The following EIF2S1 variants were observed in gnomAD, a reference collection of about 807,000 sequenced individuals.
The protein encoded by EIF2S1 is eukaryotic translation initiation factor 2 subunit alpha.
In EIF2S1, 5 loss-of-function variants were observed where a neutral mutation model predicts 33.5. The observed-to-expected ratio is 0.15, with a 90% CI of 0.08 to 0.31. The LOEUF (loss-of-function observed/expected upper bound fraction) is 0.31. EIF2S1 is among the 10% of genes least tolerant of loss of function. The pLI is 1.00. For missense variants in EIF2S1, 191 were observed against 384.6 expected, an observed-to-expected ratio of 0.50 and a Z score of 4.21; for synonymous variants, 99 against 127.5, an observed-to-expected ratio of 0.78 and a Z score of 1.51.
chr14:67,380,548 C>A, intron 4 of EIF2S1, 111 bp from the exon 5 acceptor site: 1 of 472,094 alleles, frequency 2.1e-6, no homozygotes, highest in Non-Finnish European at 3.7e-6. Flanking sequence ...CTATTATATG[C>A]ATTAACTATT....
At position 67,376,536 on chromosome 14, in the gene EIF2S1, A is replaced by T; in HGVS notation, c.419A>T (p.Asp140Val). The part of the protein sequence containing the change: ...LFQRTAWVFD[D>V]KYKRPGYGAY... ...CAGAGGACTGCCTGGGTCTTTGATG[A>T]CAAGTACAAGAGACCTGGATATGGT... is the stretch of plus-strand genomic sequence containing the variant. The change falls in exon 4 of 8, where the codon GAC becomes GTC. Residue 140 changes from aspartate to valine, a missense_variant. By Grantham distance (152) the Asp-to-Val change is radical (BLOSUM62 -3). Transcript: ENST00000256383. The T allele has an allele frequency of 6.2e-7, 1 of 1,614,150 alleles. No individual in the cohort carries two copies. Among genetic ancestry groups the T allele is most frequent in the South Asian group, 1.1e-5 (1 of 91,086 alleles).
At chr14:67,366,327 C>T (rs2085778746) in intron 2 of EIF2S1, among the ~76,000 whole-genome samples, 2 of 152,108 alleles carry the variant, frequency 1.3e-5, no homozygotes, top group Admixed American at 6.5e-5. Context: ...CTGCCTTGGC[C>T]TCACAAAGTA....
intron 2 of EIF2S1, among the ~76,000 whole-genome samples, 199 bp from the exon 3 acceptor site, chr14:67,374,269 C>G (rs897592421): frequency 6.6e-5 from 10 of 152,132 alleles, no homozygotes; most frequent in Non-Finnish European, 8.8e-5. Flanking sequence ...AATCTGAAAT[C>G]CAAAACACTT....
At chr14:67,363,003 A>G (rs570250839) in intron 1 of EIF2S1, among the ~76,000 whole-genome samples, 1 of 152,310 alleles carries the variant, frequency 6.6e-6, no homozygotes, top group South Asian at 2.1e-4. Context: ...TTTTTTAACC[A>G]TCAAATTAAG....
intron 2 of EIF2S1, among the ~76,000 whole-genome samples, chr14:67,373,344 A>G (rs2085836674): frequency 6.6e-6 from 1 of 152,328 alleles, no homozygotes; most frequent in Non-Finnish European, 1.5e-5. Context: ...TTTTTAATGA[A>G]AAAGAATGCT....
chr14:67,369,853 C>T (rs1425144589), intron 2 of EIF2S1, among the ~76,000 whole-genome samples: 1 of 152,166 alleles, frequency 6.6e-6, no homozygotes, highest in Non-Finnish European at 1.5e-5. Context: ...CTGAGACCAG[C>T]TCTGTTGGGG....
chr14:67,374,289 A>G (rs561025554), intron 2 of EIF2S1, among the ~76,000 whole-genome samples, 179 bp from the exon 3 acceptor site: 49 of 152,282 alleles, frequency 3.2e-4, no homozygotes, highest in African/African-American at 9.4e-4. Context: ...TTTGGTCCCA[A>G]GCATTTCTGA....
At position 67,384,551 on chromosome 14, in the gene EIF2S1, G is replaced by GTAT. The variant is rs942271664; in HGVS notation, c.*1113_*1115dup. 15 of 152,082 alleles carry GTAT rather than the reference G, an allele frequency of 9.9e-5. No homozygotes were observed. The highest frequency in any genetic ancestry group is 3.4e-4 in the African/African-American group (14 of 41,500). The allele number at this position is 152,082 out of a possible 1,614,324, so 9.4% of individuals were successfully genotyped here. A position where few individuals can be genotyped will look rare whatever the true frequency, so the allele number is the denominator to read the frequency against. On this transcript the variant is annotated 3_prime_UTR_variant, in exon 8 of 8. Coordinates refer to ENST00000256383, the MANE Select transcript of EIF2S1 (RefSeq NM_004094.5). ...TCTTATGATACTTGAGGTACCAGTT[G>GTAT]TATTTAATTTTATTCATTATCCCTA...
chr14:67,368,629 G>A (rs1232514120), intron 2 of EIF2S1, among the ~76,000 whole-genome samples: 1 of 152,114 alleles, frequency 6.6e-6, no homozygotes, highest in Non-Finnish European at 1.5e-5. Flanking sequence ...AGGCCAGGAG[G>A]TGTGGGGTAA....
chr14:67,378,863 C>T (rs752042156), intron 4 of EIF2S1, among the ~76,000 whole-genome samples: 1 of 152,230 alleles, frequency 6.6e-6, no homozygotes, highest in South Asian at 2.1e-4. Context: ...CTATTTTCCT[C>T]ACTTATCAGT....
chr14:67,372,650 GA>G (rs2085830510), intron 2 of EIF2S1, among the ~76,000 whole-genome samples: 1 of 152,202 alleles, frequency 6.6e-6, no homozygotes, highest in Middle Eastern at 3.4e-3. Flanking sequence ...CCAACATGGT[GA>G]AACCCCGTCT....
chr14:67,378,974 T>G (rs2085872106), intron 4 of EIF2S1, among the ~76,000 whole-genome samples: 1 of 152,246 alleles, frequency 6.6e-6, no homozygotes, highest in African/African-American at 2.4e-5. Flanking sequence ...TAACCTATTG[T>G]ATCTTTTTGT....
intron 2 of EIF2S1, among the ~76,000 whole-genome samples, chr14:67,372,662 C>T (rs1268882384): frequency 5.9e-5 from 9 of 152,028 alleles, no homozygotes; most frequent in Non-Finnish European, 1.0e-4. Flanking sequence ...AACCCCGTCT[C>T]TACTAAAATA....
At position 67,384,110 on chromosome 14, in the gene EIF2S1, CTATT is replaced by C. The variant is rs979389805; in HGVS notation, c.*672_*675del. 1 of 152,840 alleles carries C rather than the reference CTATT, an allele frequency of 6.5e-6. No homozygotes were observed. Among genetic ancestry groups the C allele is most frequent in the African/African-American group, 2.4e-5 (1 of 41,438 alleles). 9.5% of individuals were successfully genotyped at this position (152,840 alleles called of 1,614,324 possible). ...ATTAGATCGGTTCTGTGCCTTTTAT[CTATT>C]TGAGATTGATGACAACCTGTGTGAG... On this transcript the variant is annotated 3_prime_UTR_variant, in exon 8 of 8. Transcript: ENST00000256383.
rs375612303 is a variant in EIF2S1 at position 67,384,342 on chromosome 14, G to C, written c.*902G>C. The C allele has an allele frequency of 6.6e-6, 1 of 151,176 alleles. No individual in the cohort carries two copies. The highest frequency in any genetic ancestry group is 2.4e-5 in the African/African-American group (1 of 41,174). 9.4% of individuals were successfully genotyped at this position (151,176 alleles called of 1,614,324 possible). A position where few individuals can be genotyped will look rare whatever the true frequency, so the allele number is the denominator to read the frequency against. ...AGCTCCAGTTCTTTATAACAAAACA[G>C]GGATCTGTTTGAACACTTACTGTTG... On this transcript the variant is annotated 3_prime_UTR_variant, in exon 8 of 8. Coordinates refer to ENST00000256383, the MANE Select transcript of EIF2S1 (RefSeq NM_004094.5).
At chr14:67,376,064 T>A (rs1360497260) in intron 3 of EIF2S1, among the ~76,000 whole-genome samples, 2 of 152,228 alleles carry the variant, frequency 1.3e-5, no homozygotes, top group African/African-American at 4.8e-5. Context: ...ATTTTTTTTA[T>A]CGTGATTCTC....
intron 7 of EIF2S1, 149 bp from the exon 8 acceptor site, chr14:67,383,166 A>G (rs2085899039): frequency 1.3e-6 from 1 of 789,464 alleles, no homozygotes; most frequent in Non-Finnish European, 1.9e-6. Flanking sequence ...AATGGAATTT[A>G]TTGCTGATAA....
At chr14:67,373,958 A>G (rs552905914) in intron 2 of EIF2S1, among the ~76,000 whole-genome samples, 1 of 152,228 alleles carries the variant, frequency 6.6e-6, no homozygotes, top group Admixed American at 6.5e-5. Context: ...AGGAAGAAAT[A>G]GGGGAAAGAT....
intron 2 of EIF2S1, among the ~76,000 whole-genome samples, chr14:67,368,282 T>A (rs2085794390): frequency 6.6e-6 from 1 of 152,198 alleles, no homozygotes; most frequent in African/African-American, 2.4e-5. Context: ...GCTTGTCTAA[T>A]ACCTGGCCCT....
Sources: allele counts gnomAD v4.1 joint callset (sites outside exome capture counted in the v4.1 genomes callset), GRCh38; gene constraint gnomAD v4.1.1; transcripts MANE v1.5; gene names NCBI Gene and HGNC (gene_info 2026-07-23, HGNC 2026-07-21).